Variants in FAM168B observed in about 807,000 individuals in gnomAD.
FAM168B encodes the protein myelin-associated neurite-outgrowth inhibitor.
Under a neutral mutation model 21.8 loss-of-function variants are expected in FAM168B, and 19 were observed. That is an observed-to-expected ratio of 0.87 (90% confidence interval 0.61 to 1.28). FAM168B has a LOEUF of 1.28. Ranked by LOEUF, FAM168B falls within the 50% of genes most tolerant of loss-of-function variation. The probability of loss-of-function intolerance (pLI) is 0.00; values close to 1 mark genes in which losing one functional copy is unlikely to be tolerated. For missense variants in FAM168B, 233 were observed against 263.1 expected (o/e 0.89, Z 0.79); for synonymous variants, 126 against 104.8 (o/e 1.20, Z -1.24).
intron 1 of FAM168B, among the ~76,000 whole-genome samples, chr2:131,092,414 G>C (rs934038170): frequency 1.3e-5 from 2 of 152,136 alleles, no homozygotes; most frequent in African/African-American, 4.8e-5. Flanking sequence ...AAACCAAAAA[G>C]TTTTATTTAA....
intron 5 of FAM168B, among the ~76,000 whole-genome samples, chr2:131,054,340 G>A (rs138622089): frequency 6.6e-6 from 1 of 151,620 alleles, no homozygotes; most frequent in Non-Finnish European, 1.5e-5. Flanking sequence ...AACTACTTGA[G>A]TCCCTTTATG....
chr2:131,061,994 G>A lies in FAM168B; in HGVS notation c.155-6299C>T, dbSNP rs1263545066. Among the ~76,000 whole-genome samples the A allele has an allele frequency of 2.0e-5, 3 of 152,094 alleles. No individual in the cohort carries two copies. The East Asian group carries it at 5.8e-4, about 29-fold the overall frequency. On this transcript the variant is annotated intron_variant, in intron 3 of 6. Transcript: ENST00000389915. ...GCAACAAGAAGTTACAGTTCTATCT[G>A]ATAAACTGATTCACTAAAGAAAGAA...
intron 2 of FAM168B, among the ~76,000 whole-genome samples, chr2:131,079,567 G>A (rs186857005): frequency 2.0e-5 from 3 of 152,348 alleles, no homozygotes; most frequent in Admixed American, 2.0e-4. Flanking sequence ...GCTAAAGACT[G>A]CAGACAGCCA....
intron 3 of FAM168B, among the ~76,000 whole-genome samples, chr2:131,066,829 C>T (rs1057482286): frequency 6.6e-6 from 1 of 152,094 alleles, no homozygotes; most frequent in Admixed American, 6.5e-5. Context: ...GCTCTGATTC[C>T]AAAAATGGAC....
intron 3 of FAM168B, among the ~76,000 whole-genome samples, chr2:131,069,213 C>T (rs1692730607): frequency 6.6e-6 from 1 of 152,192 alleles, no homozygotes; most frequent in Non-Finnish European, 1.5e-5. Flanking sequence ...GTTTTAAGTA[C>T]ATTTTCACAC....
At chr2:131,084,077 A>G (rs1205754976) in intron 1 of FAM168B, among the ~76,000 whole-genome samples, 1 of 151,050 alleles carries the variant, frequency 6.6e-6, no homozygotes, top group Non-Finnish European at 1.5e-5. Flanking sequence ...TAATTTTTGT[A>G]TTTTTAGTAG....
intron 1 of FAM168B, among the ~76,000 whole-genome samples, chr2:131,090,319 CAAAAAAAAA>C (rs1179969129): frequency 8.0e-5 from 6 of 75,222 alleles, no homozygotes; most frequent in African/African-American, 1.2e-4. Flanking sequence ...ACTCTTGTCT[CAAAAAAAAA>C]AAAAAAAAAA....
intron 3 of FAM168B, among the ~76,000 whole-genome samples, chr2:131,057,467 C>T (rs545835629): frequency 4.6e-5 from 7 of 152,204 alleles, no homozygotes; most frequent in African/African-American, 1.4e-4. Flanking sequence ...CCTACGGTGA[C>T]GGAAATCAGA....
intron 2 of FAM168B, among the ~76,000 whole-genome samples, chr2:131,073,996 T>C (rs1005206078): frequency 6.6e-6 from 1 of 152,244 alleles, no homozygotes; most frequent in Non-Finnish European, 1.5e-5. Flanking sequence ...GTCAGAATCC[T>C]GGCCCCAAGG....
intron 3 of FAM168B, among the ~76,000 whole-genome samples, chr2:131,065,131 T>C (rs1417998483): frequency 1.3e-5 from 2 of 152,096 alleles, no homozygotes; most frequent in African/African-American, 2.4e-5. Context: ...AGTGCCACTT[T>C]ACAAAAACAA....
At chr2:131,080,935 G>A (rs1693403680) in intron 2 of FAM168B, among the ~76,000 whole-genome samples, 1 of 152,004 alleles carries the variant, frequency 6.6e-6, no homozygotes, top group East Asian at 2.0e-4. Flanking sequence ...CTCCCAAAGT[G>A]CTGGGATTAC....
intron 1 of FAM168B, among the ~76,000 whole-genome samples, chr2:131,089,342 T>A (rs1693888899): frequency 1.3e-5 from 2 of 152,008 alleles, no homozygotes; most frequent in Non-Finnish European, 2.9e-5. Context: ...GACACCTGCA[T>A]TAGAATAGAC....
In FAM168B at chr2:131,052,407, G is replaced by T; in HGVS notation, c.*58C>A. ...TGGAGGCGCAAGGCCTGCAGCACCA[G>T]CTGTGGAATCCCCAATAATGTGACT... On this transcript the variant is annotated 3_prime_UTR_variant, in exon 7 of 7. Coordinates refer to ENST00000389915, the MANE Select transcript of FAM168B (RefSeq NM_001009993.4). 1 of 987,790 alleles carries T rather than the reference G, an allele frequency of 1.0e-6. No individual in the cohort carries two copies. Among genetic ancestry groups the T allele is most frequent in the Non-Finnish European group, 1.2e-6 (1 of 831,060 alleles). 61.2% of individuals were successfully genotyped at this position (987,790 alleles called of 1,614,324 possible). A position where few individuals can be genotyped will look rare whatever the true frequency, so the allele number is the denominator to read the frequency against.
chr2:131,081,632 C>T (rs1693438141), intron 2 of FAM168B, among the ~76,000 whole-genome samples: 1 of 152,162 alleles, frequency 6.6e-6, no homozygotes, highest in African/African-American at 2.4e-5. Context: ...GAGAGTATCA[C>T]CCTCCAGAGG....
At chr2:131,078,256 G>GTA (rs1280740948) in intron 2 of FAM168B, among the ~76,000 whole-genome samples, 6 of 152,164 alleles carry the variant, frequency 3.9e-5, no homozygotes, top group Admixed American at 3.9e-4. Flanking sequence ...TAACTCAGTA[G>GTA]TATGTTGGAA....
chr2:131,073,384 C>A (rs1419746243), intron 2 of FAM168B, among the ~76,000 whole-genome samples: 1 of 152,170 alleles, frequency 6.6e-6, no homozygotes. Flanking sequence ...TGAGTTACCA[C>A]GCCTTGCCAT....
At chr2:131,083,522 C>G (rs979848913) in intron 1 of FAM168B, among the ~76,000 whole-genome samples, 2 of 152,200 alleles carry the variant, frequency 1.3e-5, no homozygotes, top group African/African-American at 4.8e-5. Flanking sequence ...ACCTGGACAA[C>G]AGAGCGAGAC....
chr2:131,081,896 G>A (rs992652960), intron 2 of FAM168B, among the ~76,000 whole-genome samples: 3 of 152,128 alleles, frequency 2.0e-5, no homozygotes, highest in Non-Finnish European at 4.4e-5. Flanking sequence ...GAGAGTCTTA[G>A]CAACAAAGTT....
intron 1 of FAM168B, among the ~76,000 whole-genome samples, chr2:131,088,250 GA>G (rs11284296): frequency 0.29 from 43,145 of 150,940 alleles, 10,366 homozygotes; most frequent in African/African-American, 0.66. Flanking sequence ...TGTCTGGGGG[GA>G]AAAAAAAATC....
Sources: gnomAD v4.1 joint callset for allele counts (sites outside exome capture counted in the v4.1 genomes callset) on GRCh38, gnomAD v4.1.1 for gene constraint, MANE v1.5 for transcripts, NCBI Gene and HGNC (gene_info 2026-07-23, HGNC 2026-07-21) for gene names.